Variants in KCNIP4 observed in about 807,000 individuals in gnomAD.
KCNIP4 encodes Kv channel-interacting protein 4.
KCNIP4 carries 12 observed loss-of-function variants against 34.0 expected under a neutral mutation model. The observed-to-expected ratio is 0.35, with a 90% CI of 0.23 to 0.57. The LOEUF (loss-of-function observed/expected upper bound fraction) is 0.57, where lower values mean the gene tolerates loss of function less well. Ranked by LOEUF, KCNIP4 falls within the 20% of genes least tolerant of loss-of-function variation. KCNIP4 has a pLI of 0.83. For synonymous variants in KCNIP4, 124 were observed against 102.2 expected (o/e 1.21, Z -1.29); for missense variants, 238 against 311.7 (o/e 0.76, Z 1.78).
intron 1 of KCNIP4, among the ~76,000 whole-genome samples, chr4:21,644,676 A>T (rs1303509957): frequency 6.6e-6 from 1 of 152,154 alleles, no homozygotes; most frequent in Non-Finnish European, 1.5e-5. Context: ...TGGATCCCAT[A>T]AATTCTCCAA....
intron 1 of KCNIP4, among the ~76,000 whole-genome samples, chr4:21,357,774 A>ATC (rs1435489671): frequency 2.0e-5 from 3 of 152,296 alleles, no homozygotes; most frequent in East Asian, 3.9e-4. Flanking sequence ...TTCCTCAAGG[A>ATC]TAAAGAACTA....
chr4:21,556,117 CAT>C (rs966715718), intron 1 of KCNIP4, among the ~76,000 whole-genome samples: 2 of 152,034 alleles, frequency 1.3e-5, no homozygotes, highest in East Asian at 1.9e-4. Flanking sequence ...GGGTGAGAAA[CAT>C]ATGTGTGTTT....
intron 1 of KCNIP4, among the ~76,000 whole-genome samples, chr4:21,029,156 T>C (rs1190427191): frequency 6.6e-6 from 1 of 152,204 alleles, no homozygotes. Context: ...CCTACATTTG[T>C]TAAATCAATC....
chr4:20,806,675 T>A (rs867022256), intron 3 of KCNIP4, among the ~76,000 whole-genome samples: 5 of 152,060 alleles, frequency 3.3e-5, no homozygotes, highest in Admixed American at 6.6e-5. Flanking sequence ...GGCTAAAAAT[T>A]ACTCAATATG....
At chr4:21,107,498 C>T (rs1372358561) in intron 1 of KCNIP4, among the ~76,000 whole-genome samples, 2 of 150,976 alleles carry the variant, frequency 1.3e-5, no homozygotes. Context: ...TGTGTCTCTG[C>T]ACATGAGATG....
chr4:21,413,452 A>T (rs897686261), intron 1 of KCNIP4, among the ~76,000 whole-genome samples: 6 of 152,146 alleles, frequency 3.9e-5, no homozygotes, highest in African/African-American at 1.4e-4. Context: ...AAAGCACCTT[A>T]AAAAAATCCA....
At chr4:21,947,008 G>A (rs1277721489) in intron 1 of KCNIP4, among the ~76,000 whole-genome samples, 2 of 152,178 alleles carry the variant, frequency 1.3e-5, no homozygotes, top group Non-Finnish European at 2.9e-5. Context: ...TACAGTCAAA[G>A]AGCTGTGGTC....
intron 1 of KCNIP4, among the ~76,000 whole-genome samples, chr4:21,139,168 T>A (rs1051915630): frequency 1.3e-5 from 2 of 152,214 alleles, no homozygotes; most frequent in Non-Finnish European, 2.9e-5. Flanking sequence ...TATTTATTTA[T>A]GAGTTTTCTC....
At chr4:21,605,783 A>G (rs532965439) in intron 1 of KCNIP4, among the ~76,000 whole-genome samples, 4 of 152,254 alleles carry the variant, frequency 2.6e-5, no homozygotes, top group African/African-American at 9.6e-5. Context: ...CCTGGCGTAC[A>G]ATGGTTATTT....
chr4:21,840,032 CT>C (rs1723582700), intron 1 of KCNIP4, among the ~76,000 whole-genome samples: 1 of 151,952 alleles, frequency 6.6e-6, no homozygotes, highest in Non-Finnish European at 1.5e-5. Context: ...TACTCCATGG[CT>C]TTTGTAGAAG....
chr4:20,749,879 C>T, intron 4 of KCNIP4, 147 bp from the exon 5 acceptor site: 1 of 535,124 alleles, frequency 1.9e-6, no homozygotes. Flanking sequence ...TACCCTCTTT[C>T]TGTAGAGGAC....
chr4:21,705,577 G>A (rs957097035), intron 1 of KCNIP4, among the ~76,000 whole-genome samples: 4 of 152,068 alleles, frequency 2.6e-5, no homozygotes, highest in African/African-American at 9.7e-5. Context: ...CTTATAATGG[G>A]GAACGGGGAA....
intron 1 of KCNIP4, among the ~76,000 whole-genome samples, chr4:21,673,960 T>C (rs1285253565): frequency 6.6e-6 from 1 of 152,184 alleles, no homozygotes; most frequent in African/African-American, 2.4e-5. Context: ...TCCTAACTCA[T>C]TTTAGATGCA....
At position 20,734,793 on chromosome 4, in the gene KCNIP4, AAAAC is replaced by A. The variant is rs59030794; in HGVS notation, c.430-62_430-59del. 13 of 981,814 alleles carry A rather than the reference AAAAC, an allele frequency of 1.3e-5. 1 individual carries two copies. The highest frequency in any genetic ancestry group is 7.8e-5 in the South Asian group (5 of 63,750). The allele number at this position is 981,814 out of a possible 1,614,324, so 60.8% of individuals were successfully genotyped here. ...CATTTTTAAAAAAACAAAAACAAAA[AAAAC>A]AAATGATGTAAGTAAGGGCTACAAC... On this transcript the variant is annotated intron_variant, in intron 5 of 8. Coordinates refer to ENST00000382152, the MANE Select transcript of KCNIP4 (RefSeq NM_025221.6).
At chr4:20,825,505 C>T (rs1045491649) in intron 3 of KCNIP4, among the ~76,000 whole-genome samples, 15 of 152,026 alleles carry the variant, frequency 9.9e-5, no homozygotes, top group African/African-American at 3.1e-4. Context: ...GCTGTGTAAC[C>T]AGGTAGAGGA....
intron 1 of KCNIP4, among the ~76,000 whole-genome samples, chr4:21,203,916 G>A (rs143988270): frequency 0.013 from 1,929 of 152,224 alleles, 22 homozygotes; most frequent in South Asian, 0.027. Flanking sequence ...TCCCGGGAAG[G>A]GCTGCTTCTC....
intron 1 of KCNIP4, among the ~76,000 whole-genome samples, chr4:21,175,404 C>T (rs1190917548): frequency 6.6e-6 from 1 of 152,150 alleles, no homozygotes; most frequent in Non-Finnish European, 1.5e-5. Flanking sequence ...ACAGATAGTT[C>T]TGACCCCTAT....
intron 1 of KCNIP4, among the ~76,000 whole-genome samples, chr4:20,975,548 T>G (rs1040838271): frequency 3.3e-5 from 5 of 152,198 alleles, no homozygotes; most frequent in African/African-American, 7.2e-5. Context: ...GGAAGTCATT[T>G]TATTGAAAAA....
intron 1 of KCNIP4, among the ~76,000 whole-genome samples, chr4:21,899,033 T>C (rs757934626): frequency 6.6e-6 from 1 of 152,174 alleles, no homozygotes; most frequent in East Asian, 1.9e-4. Context: ...GAATTTGTAT[T>C]GTGATTTGTG....
Sources: gnomAD v4.1 joint callset for allele counts (sites outside exome capture counted in the v4.1 genomes callset) on GRCh38, gnomAD v4.1.1 for gene constraint, MANE v1.5 for transcripts, NCBI Gene and HGNC (gene_info 2026-07-23, HGNC 2026-07-21) for gene names.